GALNT13: variants seen among roughly 807,000 people sequenced by gnomAD.
The protein encoded by GALNT13 is UDP-GalNAc:polypeptide N-acetylgalactosaminyltransferase 13.
In GALNT13, 28 loss-of-function variants were observed where a neutral mutation model predicts 64.2. That is an observed-to-expected ratio of 0.44 (90% CI 0.32 to 0.60). The LOEUF (loss-of-function observed/expected upper bound fraction) is 0.60, where lower values mean the gene tolerates loss of function less well. Ranked by LOEUF, GALNT13 falls within the 20% of genes least tolerant of loss-of-function variation. The pLI, the probability that GALNT13 is intolerant of heterozygous loss-of-function variation, is 0.05. For missense variants in GALNT13, 577 were observed against 669.8 expected, an observed-to-expected ratio of 0.86 and a Z score of 1.53; for synonymous variants, 214 against 224.6, an observed-to-expected ratio of 0.95 and a Z score of 0.42.
chr2:153,852,758 A>G, the GALNT13 span, among the ~76,000 whole-genome samples: 122 of 152,340 alleles, frequency 8.0e-4, 1 homozygote, highest in African/African-American at 2.7e-3. Context: ...CTTTAAACAT[A>G]TAACAGCCAT....
At chr2:153,677,667 G>A in the GALNT13 span, among the ~76,000 whole-genome samples, 9 of 151,964 alleles carry the variant, frequency 5.9e-5, no homozygotes, top group African/African-American at 2.2e-4. Flanking sequence ...TATACTACAA[G>A]GCTACAGTAA....
intron 4 of GALNT13, among the ~76,000 whole-genome samples, chr2:154,189,749 A>G (rs1056031659): frequency 6.6e-6 from 1 of 152,172 alleles, no homozygotes; most frequent in Non-Finnish European, 1.5e-5. Flanking sequence ...TAAATATGTC[A>G]CTAACCACAT....
chr2:154,133,133 G>A (rs1682721822), intron 3 of GALNT13, among the ~76,000 whole-genome samples: 1 of 152,126 alleles, frequency 6.6e-6, no homozygotes, highest in African/African-American at 2.4e-5. Context: ...TTTAGGAAGA[G>A]ATTGTGAGCA....
At chr2:154,178,250 T>G (rs569326911) in intron 4 of GALNT13, among the ~76,000 whole-genome samples, 16 of 152,242 alleles carry the variant, frequency 1.1e-4, no homozygotes, top group African/African-American at 3.9e-4. Flanking sequence ...TATGCCAAAT[T>G]GTTTCTGGTT....
intron 3 of GALNT13, among the ~76,000 whole-genome samples, chr2:154,028,380 ATTG>A (rs139012374): frequency 0.048 from 7,284 of 152,076 alleles, 232 homozygotes; most frequent in South Asian, 0.11. Flanking sequence ...TTGCAAGTTG[ATTG>A]TTTTCTTTTG....
chr2:153,149,879 T>C, the GALNT13 span, among the ~76,000 whole-genome samples: 1 of 151,900 alleles, frequency 6.6e-6, no homozygotes, highest in African/African-American at 2.4e-5. Context: ...AGCAGTGTCA[T>C]CTAAAATAAG....
chr2:154,167,304 T>C (rs1390910709), intron 4 of GALNT13, among the ~76,000 whole-genome samples: 1 of 152,156 alleles, frequency 6.6e-6, no homozygotes, highest in African/African-American at 2.4e-5. Flanking sequence ...GAAAACACCT[T>C]GTATATTAGA....
chr2:153,861,208 A>G, the GALNT13 span, among the ~76,000 whole-genome samples: 1 of 152,250 alleles, frequency 6.6e-6, no homozygotes, highest in Non-Finnish European at 1.5e-5. Flanking sequence ...GGGAACCTCC[A>G]TAAACTGCAT....
At chr2:154,122,530 T>A (rs1399114377) in intron 3 of GALNT13, among the ~76,000 whole-genome samples, 1 of 152,078 alleles carries the variant, frequency 6.6e-6, no homozygotes, top group Non-Finnish European at 1.5e-5. Flanking sequence ...TTTGGTAGAA[T>A]TCACCAATGA....
chr2:153,657,655 G>A, the GALNT13 span, among the ~76,000 whole-genome samples: 1 of 152,062 alleles, frequency 6.6e-6, no homozygotes, highest in East Asian at 1.9e-4. Flanking sequence ...TCTACATCCA[G>A]TATTATATTC....
At chr2:153,881,713 A>G (rs1010495772) in intron 1 of GALNT13, among the ~76,000 whole-genome samples, 11 of 152,180 alleles carry the variant, frequency 7.2e-5, no homozygotes, top group Non-Finnish European at 1.6e-4. Context: ...AAATATCTCA[A>G]ATAATTTTGA....
At chr2:153,781,153 C>T in the GALNT13 span, among the ~76,000 whole-genome samples, 2 of 152,076 alleles carry the variant, frequency 1.3e-5, no homozygotes, top group Non-Finnish European at 1.5e-5. Flanking sequence ...TTGGTTCATT[C>T]GATTCCATTG....
intron 8 of GALNT13, chr2:154,286,516 TA>T (rs1692275996): frequency 6.4e-6 from 1 of 155,894 alleles, no homozygotes; most frequent in Non-Finnish European, 1.4e-5. Context: ...AAGATACCCC[TA>T]AGTAGAAACA....
At chr2:154,329,336 C>T (rs1695045016) in intron 9 of GALNT13, among the ~76,000 whole-genome samples, 1 of 152,198 alleles carries the variant, frequency 6.6e-6, no homozygotes, top group Non-Finnish European at 1.5e-5. Flanking sequence ...CTCCTGACCT[C>T]AGGTGATCTA....
At chr2:153,728,409 G>A in the GALNT13 span, among the ~76,000 whole-genome samples, 1 of 152,072 alleles carries the variant, frequency 6.6e-6, no homozygotes, top group Non-Finnish European at 1.5e-5. Context: ...AGCATCTGTT[G>A]TTTCCTGACT....
chr2:153,514,948 C>T, the GALNT13 span, among the ~76,000 whole-genome samples: 2 of 152,106 alleles, frequency 1.3e-5, no homozygotes, highest in East Asian at 1.9e-4. Flanking sequence ...ATCCTGTTTC[C>T]TCTGTCCTTC....
chr2:153,955,645 G>A (rs1203170239), intron 3 of GALNT13, among the ~76,000 whole-genome samples: 2 of 152,274 alleles, frequency 1.3e-5, no homozygotes, highest in Middle Eastern at 3.4e-3. Flanking sequence ...TGGATTTGAT[G>A]CAGGACTGGC....
At chr2:153,281,151 G>A in the GALNT13 span, among the ~76,000 whole-genome samples, 1 of 152,118 alleles carries the variant, frequency 6.6e-6, no homozygotes, top group Non-Finnish European at 1.5e-5. Context: ...TTGGTTTAAA[G>A]TCTGTTGTAT....
chr2:153,875,388 T>A (rs1366589547), intron 1 of GALNT13, among the ~76,000 whole-genome samples: 1 of 152,190 alleles, frequency 6.6e-6, no homozygotes, highest in Non-Finnish European at 1.5e-5. Context: ...AGCAAAGACA[T>A]AATGAAGGTG....
Sources: gnomAD v4.1 joint callset for allele counts (sites outside exome capture counted in the v4.1 genomes callset) on GRCh38, gnomAD v4.1.1 for gene constraint, MANE v1.5 for transcripts, NCBI Gene and HGNC (gene_info 2026-07-23, HGNC 2026-07-21) for gene names.